CCSER1: variants seen among roughly 807,000 people sequenced by gnomAD.
CCSER1 encodes coiled-coil serine rich protein 1.
Under a neutral mutation model 82.0 loss-of-function variants are expected in CCSER1, and 41 were observed. The observed-to-expected ratio is 0.50, with a 90% CI of 0.39 to 0.65. CCSER1 has a LOEUF of 0.65. Ranked by LOEUF, CCSER1 falls within the 30% of genes least tolerant of loss-of-function variation. The probability of loss-of-function intolerance (pLI) is 0.00; values close to 1 mark genes in which losing one functional copy is unlikely to be tolerated. For missense variants in CCSER1, 1,119 were observed against 1,064.2 expected (o/e 1.05, Z -0.72); for synonymous variants, 414 against 383.9 (o/e 1.08, Z -0.92).
chr4:91,331,976 T>C (rs1221432390), intron 10 of CCSER1, among the ~76,000 whole-genome samples: 1 of 152,096 alleles, frequency 6.6e-6, no homozygotes, highest in Non-Finnish European at 1.5e-5. Context: ...CATATACATA[T>C]CACAATGAAC....
intron 10 of CCSER1, among the ~76,000 whole-genome samples, chr4:91,152,949 T>C (rs1730395362): frequency 6.6e-6 from 1 of 151,996 alleles, no homozygotes; most frequent in South Asian, 2.1e-4. Flanking sequence ...CAACATTTTT[T>C]CCTTCATTTC....
chr4:91,180,664 CA>C (rs1358075850), intron 10 of CCSER1, among the ~76,000 whole-genome samples: 1 of 152,032 alleles, frequency 6.6e-6, no homozygotes, highest in African/African-American at 2.4e-5. Context: ...TGGAAAAGTG[CA>C]GTATTAGGGT....
At chr4:90,790,462 T>C (rs1370805421) in intron 7 of CCSER1, among the ~76,000 whole-genome samples, 2 of 152,220 alleles carry the variant, frequency 1.3e-5, no homozygotes, top group African/African-American at 4.8e-5. Context: ...CCTCCAGGAA[T>C]TTTAATGTTC....
intron 5 of CCSER1, among the ~76,000 whole-genome samples, chr4:90,532,866 A>C (rs537976512): frequency 1.3e-5 from 2 of 152,012 alleles, no homozygotes; most frequent in Non-Finnish European, 2.9e-5. Context: ...CCAAGTATCT[A>C]TCTTGGCTTT....
intron 10 of CCSER1, among the ~76,000 whole-genome samples, chr4:91,146,971 T>G (rs995705132): frequency 6.6e-6 from 1 of 152,124 alleles, no homozygotes; most frequent in East Asian, 1.9e-4. Flanking sequence ...TGGAGCCCCT[T>G]TCAATTACTG....
At chr4:90,954,856 C>T (rs1002841823) in intron 9 of CCSER1, among the ~76,000 whole-genome samples, 2 of 152,106 alleles carry the variant, frequency 1.3e-5, no homozygotes, top group African/African-American at 4.8e-5. Flanking sequence ...TAACTTCTCT[C>T]TTCATACATA....
intron 6 of CCSER1, among the ~76,000 whole-genome samples, chr4:90,672,645 G>T (rs1733012042): frequency 6.6e-6 from 1 of 151,928 alleles, no homozygotes; most frequent in South Asian, 2.1e-4. Flanking sequence ...TGGCTATTTT[G>T]TGCAAGAGAC....
intron 5 of CCSER1, among the ~76,000 whole-genome samples, chr4:90,589,948 G>T (rs977791398): frequency 1.3e-5 from 2 of 152,142 alleles, no homozygotes; most frequent in African/African-American, 4.8e-5. Flanking sequence ...AGATTGTATG[G>T]TGTCTGTAAT....
intron 8 of CCSER1, among the ~76,000 whole-genome samples, chr4:90,862,937 CTTTTTA>C (rs1765277491): frequency 9.1e-6 from 1 of 109,758 alleles, no homozygotes. Flanking sequence ...GAAACAATTT[CTTTTTA>C]TTATTATTAT....
At chr4:90,569,029 G>A (rs1779785442) in intron 5 of CCSER1, among the ~76,000 whole-genome samples, 1 of 148,840 alleles carries the variant, frequency 6.7e-6, no homozygotes, top group Non-Finnish European at 1.5e-5. Flanking sequence ...TGGGATTACA[G>A]GCATGAGCCA....
chr4:90,664,422 A>C (rs924304411), intron 6 of CCSER1, among the ~76,000 whole-genome samples: 9 of 152,192 alleles, frequency 5.9e-5, no homozygotes, highest in African/African-American at 2.2e-4. Context: ...ACTAACGGAA[A>C]AGGGAGTTTT....
At position 91,496,597 on chromosome 4, in the gene CCSER1, TATTTGA is replaced by T. The variant is rs1758830594; in HGVS notation, c.2218-101972_2218-101967del. Reference sequence around the variant, plus strand: ...ATATATATATATATACACGAATATATATTTGAATATATATATACACGAATATATATT... The same window carrying T: ...ATATATATATATATACACGAATATATATATATATATACACGAATATATATT... On this transcript the variant is annotated intron_variant, in intron 10 of 10. Transcript: ENST00000509176. 5.4e-4 allele frequency among the ~76,000 whole-genome samples: 13 copies of T among 24,154 alleles called. 1 individual carries two copies. Among genetic ancestry groups the T allele is most frequent in the Non-Finnish European group, 7.9e-4 (7 of 8,888 alleles). The allele number at this position is 24,154 out of a possible 152,430, so 15.8% of individuals were successfully genotyped here.
intron 6 of CCSER1, among the ~76,000 whole-genome samples, chr4:90,714,732 C>T (rs1006929670): frequency 6.6e-6 from 1 of 151,854 alleles, no homozygotes; most frequent in African/African-American, 2.4e-5. Context: ...TTTCTAAAAT[C>T]GAAGCAAACA....
chr4:91,584,322 G>C (rs962810190), intron 10 of CCSER1, among the ~76,000 whole-genome samples: 1 of 151,406 alleles, frequency 6.6e-6, no homozygotes, highest in Non-Finnish European at 1.5e-5. Flanking sequence ...AGATGTATTA[G>C]ATTGTCTATG....
chr4:91,423,846 A>G, intron 10 of CCSER1, among the ~76,000 whole-genome samples: 1 of 152,130 alleles, frequency 6.6e-6, no homozygotes, highest in South Asian at 2.1e-4. Flanking sequence ...TGTTCCCGTC[A>G]GCTTCAGAGG....
chr4:91,596,341 T>C (rs1242584840), intron 10 of CCSER1, among the ~76,000 whole-genome samples: 1 of 152,062 alleles, frequency 6.6e-6, no homozygotes, highest in Non-Finnish European at 1.5e-5. Flanking sequence ...GCAGCATCTG[T>C]TGAAATAGAA....
Position 90,308,398 on chromosome 4 carries a change from A to G in CCSER1, c.114A>G (p.Thr38=). 6.2e-7 allele frequency: 1 copy of G among 1,613,774 alleles called. No homozygotes were observed. Among genetic ancestry groups the G allele is most frequent in the Non-Finnish European group, 8.5e-7 (1 of 1,179,838 alleles). The change falls in exon 2 of 11, where the codon ACA becomes ACG. Residue 38 remains threonine, a synonymous_variant. Transcript: ENST00000509176. ...SLPSSPSSSN[T]VGVHSSSPSS... ...CTTCTTCACCTTCTTCCAGTAATAC[A>G]GTTGGTGTCCACAGTTCCTCTCCTT...
At chr4:90,228,282 G>A (rs1187701542) in intron 1 of CCSER1, among the ~76,000 whole-genome samples, 4 of 152,150 alleles carry the variant, frequency 2.6e-5, no homozygotes, top group Non-Finnish European at 5.9e-5. Flanking sequence ...ATCTGAGAAC[G>A]GGCAGACTGC....
rs2110361727 is a variant in CCSER1, at chr4:91,598,646, G to A, written c.2292G>A (p.Glu764=). 1 of 1,551,390 alleles carries A rather than the reference G, an allele frequency of 6.4e-7. No individual in the cohort carries two copies. The highest frequency in any genetic ancestry group is 2.4e-5 in the East Asian group (1 of 40,898). Residue 764 remains glutamate, a synonymous_variant, in exon 11 of 11, where the codon GAG becomes GAA. Transcript: ENST00000509176. ...GAAAAGCAATACATACTCCCACCGA[G>A]GACCGTTTTAGGTATTCGGCAGCGG... ...RDRKAIHTPT[E]DRFRYSAADQ...
Sources: allele counts gnomAD v4.1 joint callset (sites outside exome capture counted in the v4.1 genomes callset), GRCh38; gene constraint gnomAD v4.1.1; transcripts MANE v1.5; gene names NCBI Gene and HGNC (gene_info 2026-07-23, HGNC 2026-07-21).